LPAR1: variants seen among roughly 807,000 people sequenced by gnomAD.
The protein encoded by LPAR1 is LPA receptor 1.
Under a neutral mutation model 23.8 loss-of-function variants are expected in LPAR1, and 5 were observed. That is an observed-to-expected ratio of 0.21 (90% CI 0.11 to 0.44). The LOEUF (loss-of-function observed/expected upper bound fraction) is 0.44, where lower values mean the gene tolerates loss of function less well. Ranked by LOEUF, LPAR1 falls within the 20% of genes least tolerant of loss-of-function variation. LPAR1 has a pLI of 0.99. For synonymous variants in LPAR1, 160 were observed against 164.7 expected, an observed-to-expected ratio of 0.97 and a Z score of 0.22; for missense variants, 311 against 482.8, an observed-to-expected ratio of 0.64 and a Z score of 3.33.
intron 5 of LPAR1, among the ~76,000 whole-genome samples, chr9:110,918,208 C>A (rs2093353031): frequency 6.6e-6 from 1 of 152,254 alleles, no homozygotes; most frequent in East Asian, 1.9e-4. Flanking sequence ...GTGTGAGCCA[C>A]TGCACCAGCC....
chr9:110,916,653 G>C (rs1200792429), intron 5 of LPAR1, among the ~76,000 whole-genome samples: 1 of 151,852 alleles, frequency 6.6e-6, no homozygotes, highest in Admixed American at 6.6e-5. Flanking sequence ...TTCCTCTTCT[G>C]TCTTGTAGCT....
rs1244677433 is a variant in LPAR1, at chr9:111,038,325, C to T, written c.-420G>A. ...GAGCGGGGCCGCCCCCTGCGCCCACCCCGCCGGGGTCCCGTGCTCGGCCGG... is the reference window on the plus strand; with the variant it reads ...GAGCGGGGCCGCCCCCTGCGCCCACTCCGCCGGGGTCCCGTGCTCGGCCGG... On this transcript the variant is annotated 5_prime_UTR_variant, in exon 1 of 6. Coordinates refer to ENST00000683809, the MANE Select transcript of LPAR1 (RefSeq NM_001351411.2). The surrounding 1 kb of genome is among the most constrained non-coding windows in gnomAD (Gnocchi z 4.4). 8 of 149,838 alleles carry T rather than the reference C, an allele frequency of 5.3e-5. No individual in the cohort carries two copies. Among genetic ancestry groups the T allele is most frequent in the African/African-American group, 2.0e-4 (8 of 41,024 alleles). 9.3% of individuals were successfully genotyped at this position (149,838 alleles called of 1,614,324 possible).
At chr9:110,939,471 G>A (rs1044996602) in intron 5 of LPAR1, among the ~76,000 whole-genome samples, 5 of 152,054 alleles carry the variant, frequency 3.3e-5, no homozygotes, top group African/African-American at 1.2e-4. Context: ...CTTTATTCCA[G>A]AGATGTCAAC....
chr9:110,961,008 TA>T (rs1222131060), intron 4 of LPAR1, among the ~76,000 whole-genome samples: 1 of 152,208 alleles, frequency 6.6e-6, no homozygotes, highest in Non-Finnish European at 1.5e-5. Flanking sequence ...TTTCAATTTT[TA>T]AAATGGAATT....
At chr9:110,924,172 A>G (rs2093837941) in intron 5 of LPAR1, among the ~76,000 whole-genome samples, 1 of 151,732 alleles carries the variant, frequency 6.6e-6, no homozygotes, top group African/African-American at 2.4e-5. Context: ...ACAATAAGTC[A>G]TTATGATTCA....
chr9:110,925,331 A>G (rs978035452), intron 5 of LPAR1, among the ~76,000 whole-genome samples: 1 of 151,886 alleles, frequency 6.6e-6, no homozygotes. Context: ...TGTATCCAAG[A>G]TGCTTGAGCA....
At chr9:110,957,782 A>G (rs2095813606) in intron 4 of LPAR1, among the ~76,000 whole-genome samples, 1 of 152,166 alleles carries the variant, frequency 6.6e-6, no homozygotes, top group East Asian at 1.9e-4. Context: ...ATTGGAAAAG[A>G]GGAAGGCAAA....
Position 110,941,311 on chromosome 9 carries a change from G to T in LPAR1, c.793+110C>A. 1 of 992,620 alleles carries T rather than the reference G, an allele frequency of 1.0e-6. No homozygotes were observed. The highest frequency in any genetic ancestry group is 1.5e-6 in the Non-Finnish European group (1 of 672,024). The allele number at this position is 992,620 out of a possible 1,614,324, so 61.5% of individuals were successfully genotyped here. On this transcript the variant is annotated intron_variant, in intron 5 of 5. Coordinates refer to ENST00000683809, the MANE Select transcript of LPAR1 (RefSeq NM_001351411.2). This position sits in a 1 kb window ranked among gnomAD's most constrained non-coding sequence, Gnocchi z 6.1. Reference sequence around the variant, plus strand: ...GCCTCATCCCCTTGTAATTCCTGGTGAATTACCTGGTGAATATTCATACTG... The same window carrying T: ...GCCTCATCCCCTTGTAATTCCTGGTTAATTACCTGGTGAATATTCATACTG...
chr9:111,027,494 T>G (rs917885977), intron 2 of LPAR1, among the ~76,000 whole-genome samples: 5 of 151,966 alleles, frequency 3.3e-5, no homozygotes, highest in Non-Finnish European at 7.4e-5. Flanking sequence ...GAACAAGACA[T>G]GGTCTTTAAG....
intron 2 of LPAR1, among the ~76,000 whole-genome samples, chr9:111,004,263 TCTC>T (rs1339436091): frequency 6.6e-6 from 1 of 152,176 alleles, no homozygotes. Context: ...TCAATTATTC[TCTC>T]TTCTGTGGCT....
At chr9:111,001,340 G>A (rs963940595) in intron 2 of LPAR1, among the ~76,000 whole-genome samples, 6 of 152,142 alleles carry the variant, frequency 3.9e-5, no homozygotes, top group African/African-American at 1.4e-4. Flanking sequence ...CAAATTAAGA[G>A]AATAGAAGTA....
intron 5 of LPAR1, among the ~76,000 whole-genome samples, chr9:110,919,335 TAAGGAACTTG>T (rs2135009289): frequency 6.6e-6 from 1 of 151,724 alleles, no homozygotes; most frequent in Non-Finnish European, 1.5e-5. Context: ...ACCAGCAACC[TAAGGAACTTG>T]AAGCAGATCC....
intron 5 of LPAR1, among the ~76,000 whole-genome samples, chr9:110,892,846 CAGGCAGGCAGGCAGGCAGGCAT>C (rs2084940858): frequency 9.7e-5 from 11 of 112,996 alleles, no homozygotes; most frequent in East Asian, 2.9e-4. Context: ...GGCAGGCAGG[CAGGCAGGCAGGCAGGCAGGCAT>C]GCAGGCAGGC....
At chr9:110,904,208 TA>T (rs1448192075) in intron 5 of LPAR1, among the ~76,000 whole-genome samples, 1 of 152,070 alleles carries the variant, frequency 6.6e-6, no homozygotes, top group Non-Finnish European at 1.5e-5. Flanking sequence ...CATGGAGCAT[TA>T]GGAAATAAAA....
Position 110,964,298 on chromosome 9 carries a change from A to T in LPAR1, c.45+7775T>A, listed in dbSNP as rs535028833. Among the ~76,000 whole-genome samples the T allele has an allele frequency of 1.7e-3, 260 of 152,336 alleles. 1 individual carries two copies. The highest frequency in any genetic ancestry group is 0.01 in the Middle Eastern group (3 of 294). ...ATCTAATCAATGTTTTTAAAAAATA[A>T]AAATAAATAACCCACCAACTACAAG... On this transcript the variant is annotated intron_variant, in intron 4 of 5. Coordinates refer to ENST00000683809, the MANE Select transcript of LPAR1 (RefSeq NM_001351411.2).
intron 5 of LPAR1, among the ~76,000 whole-genome samples, chr9:110,940,939 G>A (rs552532969): frequency 5.3e-5 from 8 of 152,230 alleles, no homozygotes; most frequent in African/African-American, 9.6e-5. Flanking sequence ...GTTTTGTTCA[G>A]TAAATCTATA....
At chr9:110,933,093 T>C (rs1268310651) in intron 5 of LPAR1, among the ~76,000 whole-genome samples, 1 of 152,160 alleles carries the variant, frequency 6.6e-6, no homozygotes. Flanking sequence ...GCTAACAGGA[T>C]TTTTCATACA....
chr9:110,964,098 A>C (rs774324242), intron 4 of LPAR1, among the ~76,000 whole-genome samples: 7 of 152,240 alleles, frequency 4.6e-5, no homozygotes, highest in Non-Finnish European at 8.8e-5. Flanking sequence ...CAAACATTGT[A>C]TGAATTCCCT....
chr9:111,003,950 G>A (rs1403544039), intron 2 of LPAR1, among the ~76,000 whole-genome samples: 1 of 152,126 alleles, frequency 6.6e-6, no homozygotes, highest in African/African-American at 2.4e-5. Flanking sequence ...CAACTAACAT[G>A]TAATATTCAT....
Sources: allele counts gnomAD v4.1 joint callset (sites outside exome capture counted in the v4.1 genomes callset), GRCh38; gene constraint gnomAD v4.1.1; non-coding constraint Gnocchi (gnomAD v3.1); transcripts MANE v1.5; gene names NCBI Gene and HGNC (gene_info 2026-07-23, HGNC 2026-07-21).